The following ZNF540 variants were observed in gnomAD, a reference collection of about 807,000 sequenced individuals.
ZNF540 encodes the protein CTD-3064H18.6.
Under a neutral mutation model 11.8 loss-of-function variants are expected in ZNF540, and 3 were observed. The observed-to-expected ratio is 0.25, with a 90% confidence interval of 0.12 to 0.65. ZNF540 has a LOEUF of 0.65. Among genes scored for constraint, ZNF540 ranks in the 30% least tolerant of loss-of-function variants. The pLI is 0.83. For synonymous variants in ZNF540, 247 were observed against 259.0 expected (o/e 0.95, Z 0.45); for missense variants, 709 against 793.1 (o/e 0.89, Z 1.27).
chr19:37,555,512 G>A (rs544991052), intron 1 of ZNF540: 1 of 201,714 alleles, frequency 5.0e-6, no homozygotes, highest in Non-Finnish European at 1.0e-5. Context: ...TTAGCCAGGG[G>A]TTCCAGTTGA....
chr19:37,609,954 C>T (rs1027175836), intron 4 of ZNF540, among the ~76,000 whole-genome samples: 1 of 152,176 alleles, frequency 6.6e-6, no homozygotes, highest in African/African-American at 2.4e-5. Context: ...ACATACATCT[C>T]TTTGCACAGG....
upstream of ZNF540, among the ~76,000 whole-genome samples, chr19:37,593,272 A>C (rs1416718651): frequency 6.6e-6 from 1 of 152,218 alleles, no homozygotes; most frequent in Non-Finnish European, 1.5e-5. Flanking sequence ...GGTATTTACA[A>C]ATGTTTTTAA....
chr19:37,598,605 C>T, intron 2 of ZNF540, 149 bp downstream of exon 2: 1 of 780,168 alleles, frequency 1.3e-6, no homozygotes, highest in Non-Finnish European at 2.1e-6. Context: ...TCTTTTCTAA[C>T]CAGTATCCAC....
Position 37,612,558 on chromosome 19 carries a change from C to T in ZNF540, c.1278C>T (p.Leu426=). The change falls in exon 5 of 5, where the codon CTC becomes CTT. Residue 426 remains leucine (L), a synonymous_variant. Coordinates refer to ENST00000316433, the MANE Select transcript of ZNF540 (RefSeq NM_001172225.3). Reference sequence around the variant, plus strand: ...AGGCTTTTAGTTATAGTGGTGACCTCAGAGTACATTCTAGAATTCATACTG... The same window carrying T: ...AGGCTTTTAGTTATAGTGGTGACCTTAGAGTACATTCTAGAATTCATACTG... ...CEKAFSYSGD[L]RVHSRIHTGE... 1 of 1,613,998 alleles carries T rather than the reference C, an allele frequency of 6.2e-7. No homozygotes were observed.
At chr19:37,573,810 G>A (rs373616884) in intron 1 of ZNF540, among the ~76,000 whole-genome samples, 5 of 149,554 alleles carry the variant, frequency 3.3e-5, no homozygotes, top group East Asian at 3.9e-4. Context: ...TCCAGTCTGC[G>A]CAACAGAACG....
chr19:37,583,763 A>T (rs1356158947), intron 1 of ZNF540: 3 of 469,588 alleles, frequency 6.4e-6, no homozygotes, highest in Non-Finnish European at 1.1e-5. Flanking sequence ...GTCCATTGGC[A>T]TCAAAGAAGG....
intron 1 of ZNF540, among the ~76,000 whole-genome samples, chr19:37,568,181 G>A (rs1328696108): frequency 6.6e-6 from 1 of 152,138 alleles, no homozygotes; most frequent in Non-Finnish European, 1.5e-5. Context: ...GAATAACAAA[G>A]ACTGGTCATG....
intron 1 of ZNF540, among the ~76,000 whole-genome samples, chr19:37,588,611 T>C (rs1260627409): frequency 6.6e-6 from 1 of 152,220 alleles, no homozygotes; most frequent in Admixed American, 6.5e-5. Context: ...TCAGGTATCC[T>C]GCTCACTACC....
At chr19:37,566,973 T>G (rs886249068) in intron 1 of ZNF540, among the ~76,000 whole-genome samples, 4 of 152,096 alleles carry the variant, frequency 2.6e-5, no homozygotes, top group African/African-American at 9.7e-5. Context: ...CACTTACCAC[T>G]CCCCTAATTA....
chr19:37,598,336 A>G (rs773072916), intron 1 of ZNF540, 40 bp from the exon 2 acceptor site: 47 of 1,017,336 alleles, frequency 4.6e-5, no homozygotes, highest in Non-Finnish European at 6.4e-5. Flanking sequence ...TCTGAGGCAG[A>G]CCTAGTCTCA....
rs778688397 is a variant in ZNF540, at chr19:37,564,978, C to T, written c.-73+13313C>T. Reference sequence around the variant, plus strand: ...TGATATGTAAGTTGTGTAGCACGTACAAAGGTCTTCCCACATTCCTTACAT... The same window carrying T: ...TGATATGTAAGTTGTGTAGCACGTATAAAGGTCTTCCCACATTCCTTACAT... On this transcript the variant is annotated intron_variant, in intron 1 of 4. Transcript: ENST00000592533. The T allele has an allele frequency of 3.0e-5, 49 of 1,613,220 alleles. No individual in the cohort carries two copies. Among genetic ancestry groups the T allele is most frequent in the Non-Finnish European group, 4.0e-5 (47 of 1,179,792 alleles).
At chr19:37,583,617 A>T (rs761624566) in intron 1 of ZNF540, 9 of 171,376 alleles carry the variant, frequency 5.3e-5, no homozygotes, top group Non-Finnish European at 8.8e-5. Context: ...TCTTTATGTC[A>T]TGGTTCTCAT....
At chr19:37,586,689 C>T in intron 1 of ZNF540, 1 of 1,614,042 alleles carries the variant, frequency 6.2e-7, no homozygotes, top group South Asian at 1.1e-5. Flanking sequence ...TTTTTTAGAA[C>T]TGATCAATTT....
At chr19:37,590,041 A>T (rs1382922399), upstream of ZNF540, among the ~76,000 whole-genome samples, 2 of 151,942 alleles carry the variant, frequency 1.3e-5, no homozygotes, top group African/African-American at 4.8e-5. Flanking sequence ...GACTAAAGAG[A>T]TGATTTAATT....
chr19:37,613,287 T>C lies in ZNF540; in HGVS notation c.*24T>C, dbSNP rs1348671918. ...AATATAAGAAAAGGTTTCCATGTCA[T>C]GCTCTATTTATAGAATATCAAAATA... On this transcript the variant is annotated 3_prime_UTR_variant, in exon 5 of 5. Coordinates refer to ENST00000316433, the MANE Select transcript of ZNF540 (RefSeq NM_001172225.3). The C allele has an allele frequency of 7.0e-7, 1 of 1,434,748 alleles. No individual in the cohort carries two copies. The highest frequency in any genetic ancestry group is 9.2e-7 in the Non-Finnish European group (1 of 1,081,874). The allele number at this position is 1,434,748 out of a possible 1,614,324, so 88.9% of individuals were successfully genotyped here.
intron 1 of ZNF540, among the ~76,000 whole-genome samples, chr19:37,553,009 G>GTT (rs34788856): frequency 3.6e-5 from 5 of 139,182 alleles, no homozygotes; most frequent in Non-Finnish European, 7.7e-5. Context: ...TTTGCATGGT[G>GTT]TTTTTTTTTT....
chr19:37,594,689 G>A (rs2043966071), upstream of ZNF540: 1 of 152,208 alleles, frequency 6.6e-6, no homozygotes, highest in Non-Finnish European at 1.5e-5. Context: ...CTACTTTTTC[G>A]ATGAAGCAAC....
intron 1 of ZNF540, chr19:37,586,532 A>G: frequency 3.3e-6 from 3 of 919,106 alleles, no homozygotes; most frequent in Non-Finnish European, 5.2e-6. Context: ...TGCTACTATT[A>G]CTCGCTAGAA....
chr19:37,612,821 A>G lies in ZNF540; in HGVS notation c.1541A>G (p.Gln514Arg). Reference sequence around the variant, plus strand: ...TTTGGTTTCTACCTTACTGAACACCAGAGAATTCACACTGGTGAAAAGCCC... The same window carrying G: ...TTTGGTTTCTACCTTACTGAACACCGGAGAATTCACACTGGTGAAAAGCCC... ...FRFGFYLTEHQRIHTGEKPYK... is the reference protein window; with the variant it reads ...FRFGFYLTEHRRIHTGEKPYK... Residue 514 changes from glutamine (Q) to arginine (R), a missense_variant, in exon 5 of 5, where the codon CAG (glutamine) becomes CGG (arginine). Coordinates refer to ENST00000316433, the MANE Select transcript of ZNF540 (RefSeq NM_001172225.3). 6.2e-7 allele frequency: 1 copy of G among 1,614,126 alleles called. No individual in the cohort carries two copies. Among genetic ancestry groups the G allele is most frequent in the Non-Finnish European group, 8.5e-7 (1 of 1,180,018 alleles).
Sources: gnomAD v4.1 joint callset for allele counts (sites outside exome capture counted in the v4.1 genomes callset) on GRCh38, gnomAD v4.1.1 for gene constraint, MANE v1.5 for transcripts, NCBI Gene and HGNC (gene_info 2026-07-23, HGNC 2026-07-21) for gene names.